Variants in UNC13C observed in about 807,000 individuals in gnomAD.
UNC13C encodes protein unc-13 homolog C.
In UNC13C, 174 loss-of-function variants were observed where a neutral mutation model predicts 245.4. The ratio of observed to expected loss-of-function variants is 0.71; its 90% CI spans 0.63 to 0.80. The LOEUF is 0.80. UNC13C is among the 30% of genes least tolerant of loss of function. UNC13C has a pLI of 0.00. For missense variants in UNC13C, 2,829 were observed against 2,602.9 expected (o/e 1.09, Z -1.89); for synonymous variants, 992 against 895.1 (o/e 1.11, Z -1.93).
intron 32 of UNC13C, among the ~76,000 whole-genome samples, chr15:54,626,605 G>A (rs1034289789): frequency 2.6e-5 from 4 of 152,082 alleles, no homozygotes; most frequent in Non-Finnish European, 5.9e-5. Context: ...GTGTAACATA[G>A]TATCTTAATT....
Position 54,312,395 on chromosome 15 carries a change from C to G in UNC13C, c.4269-9544C>G, listed in dbSNP as rs183102671. 2.0e-5 allele frequency among the ~76,000 whole-genome samples: 3 copies of G among 151,860 alleles called. No individual in the cohort carries two copies. In the East Asian group the frequency reaches 5.8e-4, roughly 30 times the overall value. ...TTCCACTTTCTGCCATTTCTTTATT[C>G]AAATGAAGCACTCTTTTAGACTGGG... is the stretch of plus-strand genomic sequence containing the variant. On this transcript the variant is annotated intron_variant, in intron 13 of 32. Transcript: ENST00000260323.
the UNC13C span, among the ~76,000 whole-genome samples, chr15:53,864,769 G>T: frequency 6.6e-6 from 1 of 152,112 alleles, no homozygotes; most frequent in Non-Finnish European, 1.5e-5. Flanking sequence ...GATTTATTCT[G>T]GATAAAATGG....
chr15:54,281,287 T>C (rs2140916770), intron 10 of UNC13C, among the ~76,000 whole-genome samples: 1 of 152,330 alleles, frequency 6.6e-6, no homozygotes, highest in East Asian at 1.9e-4. Flanking sequence ...ATACAGAGGT[T>C]TCCTTTTCTG....
At chr15:53,868,377 C>A in the UNC13C span, among the ~76,000 whole-genome samples, 2 of 152,160 alleles carry the variant, frequency 1.3e-5, no homozygotes, top group African/African-American at 4.8e-5. Context: ...AACAAAAGGA[C>A]TAATTTAAGC....
intron 2 of UNC13C, among the ~76,000 whole-genome samples, chr15:54,125,394 C>T (rs1024564656): frequency 4.6e-5 from 7 of 152,082 alleles, no homozygotes; most frequent in African/African-American, 9.7e-5. Flanking sequence ...ATCTGGGAGA[C>T]GGAGGTTGCG....
At chr15:54,425,252 G>A (rs72734791) in intron 19 of UNC13C, among the ~76,000 whole-genome samples, 13,133 of 151,778 alleles carry the variant, frequency 0.087, 666 homozygotes, top group Admixed American at 0.15. Flanking sequence ...CAATGACACC[G>A]TGACCCCAAA....
At chr15:53,851,841 T>C in the UNC13C span, among the ~76,000 whole-genome samples, 1 of 152,154 alleles carries the variant, frequency 6.6e-6, no homozygotes, top group African/African-American at 2.4e-5. Flanking sequence ...CATGTGGAGG[T>C]TGCTGGAAGG....
intron 4 of UNC13C, among the ~76,000 whole-genome samples, chr15:54,225,242 A>T (rs1172565197): frequency 6.6e-6 from 1 of 151,814 alleles, no homozygotes; most frequent in Non-Finnish European, 1.5e-5. Flanking sequence ...GCTGGTTAGC[A>T]TGATGCCTCC....
chr15:54,620,578 C>T (rs1239539824), intron 30 of UNC13C, among the ~76,000 whole-genome samples: 2 of 151,998 alleles, frequency 1.3e-5, no homozygotes, highest in East Asian at 3.9e-4. Flanking sequence ...CACATTAAAG[C>T]TTTGGCTCTA....
intron 7 of UNC13C, among the ~76,000 whole-genome samples, chr15:54,240,187 T>C (rs771351482): frequency 6.6e-6 from 1 of 152,068 alleles, no homozygotes; most frequent in Non-Finnish European, 1.5e-5. Context: ...TGGTGTTGAA[T>C]GGATGAACAG....
chr15:54,145,775 A>G (rs1027500209), intron 4 of UNC13C, among the ~76,000 whole-genome samples: 2 of 152,218 alleles, frequency 1.3e-5, no homozygotes, highest in African/African-American at 4.8e-5. Flanking sequence ...CGCCTACAGC[A>G]TCTATCACTT....
intron 19 of UNC13C, among the ~76,000 whole-genome samples, chr15:54,453,602 T>G (rs1411957090): frequency 1.3e-5 from 2 of 152,244 alleles, no homozygotes; most frequent in Non-Finnish European, 1.5e-5. Context: ...TTCCTCATTT[T>G]GTTTACATCT....
At chr15:54,024,965 CCACTT>C (rs1191609743) in intron 2 of UNC13C, among the ~76,000 whole-genome samples, 1 of 152,008 alleles carries the variant, frequency 6.6e-6, no homozygotes, top group Admixed American at 6.6e-5. Flanking sequence ...ATTTTGCTAA[CCACTT>C]CATTCATCAA....
chr15:53,872,689 G>A, the UNC13C span, among the ~76,000 whole-genome samples: 1 of 152,092 alleles, frequency 6.6e-6, no homozygotes, highest in African/African-American at 2.4e-5. Context: ...ATAGGGGCCT[G>A]TAGTGACCTG....
intron 2 of UNC13C, among the ~76,000 whole-genome samples, chr15:54,076,236 C>T (rs373816241): frequency 3.9e-4 from 58 of 149,098 alleles, no homozygotes; most frequent in African/African-American, 1.3e-3. Flanking sequence ...TTAGGTATAT[C>T]GCCCAATGCT....
chr15:54,259,288 G>T (rs965019654), intron 8 of UNC13C, among the ~76,000 whole-genome samples: 2 of 152,198 alleles, frequency 1.3e-5, no homozygotes, highest in Non-Finnish European at 2.9e-5. Context: ...CTCTACCCAA[G>T]TGTATTAGTA....
chr15:54,139,559 G>A (rs1170754629), intron 2 of UNC13C, among the ~76,000 whole-genome samples: 3 of 152,106 alleles, frequency 2.0e-5, no homozygotes, highest in South Asian at 4.1e-4. Context: ...CAATTTTCAT[G>A]CTCATCAACT....
chr15:54,070,718 C>T (rs185734666), intron 2 of UNC13C, among the ~76,000 whole-genome samples: 6 of 152,216 alleles, frequency 3.9e-5, no homozygotes, highest in South Asian at 2.1e-4. Context: ...TCTGCTGTCC[C>T]GGAAGCTACA....
chr15:54,534,939 C>T (rs997931890), intron 26 of UNC13C, among the ~76,000 whole-genome samples: 2 of 152,102 alleles, frequency 1.3e-5, no homozygotes, highest in Non-Finnish European at 2.9e-5. Flanking sequence ...AGATCAATAC[C>T]TGCCAACACA....
Sources: gnomAD v4.1 joint callset for allele counts (sites outside exome capture counted in the v4.1 genomes callset) on GRCh38, gnomAD v4.1.1 for gene constraint, MANE v1.5 for transcripts, NCBI Gene and HGNC (gene_info 2026-07-23, HGNC 2026-07-21) for gene names.